Variants in BPNT2 observed in about 807,000 individuals in gnomAD.
BPNT2 encodes 3'(2'), 5'-bisphosphate nucleotidase 2.
A neutral mutation model predicts 29.3 loss-of-function variants in BPNT2; 11 were observed. The ratio of observed to expected loss-of-function variants is 0.38; its 90% confidence interval spans 0.24 to 0.62. The LOEUF (loss-of-function observed/expected upper bound fraction) is 0.62. BPNT2 is among the 20% of genes least tolerant of loss of function. BPNT2 has a pLI of 0.62. For synonymous variants in BPNT2, 195 were observed against 187.7 expected, an observed-to-expected ratio of 1.04 and a Z score of -0.32; for missense variants, 459 against 473.4, an observed-to-expected ratio of 0.97 and a Z score of 0.28.
intron 2 of BPNT2, among the ~76,000 whole-genome samples, chr8:56,978,811 C>A (rs1007695429): frequency 3.3e-5 from 5 of 152,164 alleles, no homozygotes; most frequent in African/African-American, 1.2e-4. Flanking sequence ...CCAAATACCA[C>A]ATGTTCTCTA....
Position 56,985,896 on chromosome 8 carries a change from G to A in BPNT2, c.388-5699C>T, listed in dbSNP as rs1179784323. ...AGATGTACAAAATATGGACAAAAAT[G>A]TGAATGCGCATCACTTTCTGGCTTA... On this transcript the variant is annotated intron_variant, in intron 1 of 4. Coordinates refer to ENST00000262644, the MANE Select transcript of BPNT2 (RefSeq NM_017813.5). Among the ~76,000 whole-genome samples, 3 of 152,220 alleles carry A rather than the reference G, an allele frequency of 2.0e-5. No homozygotes were observed. In the East Asian group the frequency reaches 5.8e-4, roughly 29 times the overall value.
chr8:56,978,152 G>A lies in BPNT2; in HGVS notation c.551-7C>T, dbSNP rs1226538833. 6 of 1,551,872 alleles carry A rather than the reference G, an allele frequency of 3.9e-6. No individual in the cohort carries two copies. The highest frequency in any genetic ancestry group is 5.3e-6 in the Non-Finnish European group (6 of 1,125,544). Reference sequence around the variant, plus strand: ...ACGTACTTTCGAAGATCCTCTATGAGAAAAAAAACAAAACAACACACACAA... The same window carrying A: ...ACGTACTTTCGAAGATCCTCTATGAAAAAAAAAACAAAACAACACACACAA... On this transcript the variant is annotated splice_region_variant and splice_polypyrimidine_tract_variant and intron_variant, in intron 2 of 4. Transcript: ENST00000262644.
chr8:56,993,166 G>T, intron 1 of BPNT2, 33 bp downstream of exon 1: 1 of 1,577,950 alleles, frequency 6.3e-7, no homozygotes, highest in Non-Finnish European at 8.6e-7. Context: ...GCGCTACCCG[G>T]CTCGAGTGGG....
Position 56,963,884 on chromosome 8 carries a change from C to A in BPNT2, c.989G>T (p.Gly330Val), listed in dbSNP as rs773790200. Residue 330 changes from glycine to valine, a missense_variant, in exon 5 of 5, where the codon GGC (glycine) becomes GTC (valine). Physicochemically the swap from Gly to Val is moderately radical, Grantham distance 109 (BLOSUM62 -3). Transcript: ENST00000262644. ...GEEISYTGSD[G>V]IEGGLLASIR... ...GCTAGCAAGGAGTCCCCCTTCAATG[C>A]CGTCTGAACCAGTGTAACTGATTTC... 2.5e-6 allele frequency: 4 copies of A among 1,614,082 alleles called. No homozygotes were observed. The highest frequency in any genetic ancestry group is 3.4e-6 in the Non-Finnish European group (4 of 1,179,980).
rs767610613 is a variant in BPNT2, at chr8:56,993,407, G to A, written c.179C>T (p.Thr60Ile). 49 of 1,589,394 alleles carry A rather than the reference G, an allele frequency of 3.1e-5. No individual in the cohort carries two copies. Among genetic ancestry groups the A allele is most frequent in the Non-Finnish European group, 3.8e-5 (44 of 1,171,840 alleles). The part of the protein sequence containing the change: ...AGPAAAADGG[T>I]VDLREMLAVS... ...AGCCAGCATCTCGCGCAAGTCCACG[G>A]TGCCCCCATCGGCCGCGGCCGCGGG... Residue 60 changes from threonine to isoleucine, a missense_variant, in exon 1 of 5, where the codon ACC becomes ATC. Thr to Ile is a moderately conservative substitution (Grantham distance 89). Transcript: ENST00000262644.
chr8:56,964,326 T>C, intron 4 of BPNT2: 1 of 302,982 alleles, frequency 3.3e-6, no homozygotes, highest in Non-Finnish European at 6.3e-6. Flanking sequence ...TGAGACAGAG[T>C]CTCGCTCTGT....
At chr8:56,978,299 A>G (rs980102900) in intron 2 of BPNT2, among the ~76,000 whole-genome samples, 154 bp from the exon 3 acceptor site, 1 of 152,208 alleles carries the variant, frequency 6.6e-6, no homozygotes, top group Non-Finnish European at 1.5e-5. Flanking sequence ...GTCTGAGGGC[A>G]AGAGCCCCTT....
chr8:56,963,567 T>C lies in BPNT2; in HGVS notation c.*226A>G. 3.6e-6 allele frequency: 2 copies of C among 552,008 alleles called. No homozygotes were observed. Among genetic ancestry groups the C allele is most frequent in the East Asian group, 6.0e-5 (2 of 33,120 alleles). 34.2% of individuals were successfully genotyped at this position (552,008 alleles called of 1,614,324 possible). ...ATGCGCCTTGTGTATGACAACTGTA[T>C]GAAAATAGTCTCAAAAATAAAGACA... On this transcript the variant is annotated 3_prime_UTR_variant, in exon 5 of 5. Transcript: ENST00000262644.
intron 3 of BPNT2, among the ~76,000 whole-genome samples, chr8:56,972,085 C>CA (rs1359170313): frequency 3.4e-5 from 5 of 146,146 alleles, no homozygotes; most frequent in East Asian, 2.0e-4. Flanking sequence ...GACTCCGTCT[C>CA]AAAAAAAAGA....
chr8:56,968,597 C>T (rs2129203823), intron 3 of BPNT2, among the ~76,000 whole-genome samples: 1 of 152,154 alleles, frequency 6.6e-6, no homozygotes, highest in East Asian at 1.9e-4. Context: ...TTGTTGAGCC[C>T]AAGAGTTAAA....
chr8:56,986,024 C>A (rs1806322674), intron 1 of BPNT2, among the ~76,000 whole-genome samples: 1 of 152,202 alleles, frequency 6.6e-6, no homozygotes, highest in African/African-American at 2.4e-5. Context: ...GTCACAGTCA[C>A]TACATGGAGG....
chr8:56,991,184 ACCATC>A (rs761206100), intron 1 of BPNT2, among the ~76,000 whole-genome samples: 1 of 152,184 alleles, frequency 6.6e-6, no homozygotes, highest in Non-Finnish European at 1.5e-5. Context: ...TCAACATGAC[ACCATC>A]CCTACTTTGA....
rs1460794787 is a variant in BPNT2, at chr8:56,959,044, T to A, written c.*4749A>T. 1 of 152,208 alleles carries A rather than the reference T, an allele frequency of 6.6e-6. No individual in the cohort carries two copies. Among genetic ancestry groups the A allele is most frequent in the Non-Finnish European group, 1.5e-5 (1 of 68,028 alleles). 9.4% of individuals were successfully genotyped at this position (152,208 alleles called of 1,614,324 possible). A position where few individuals can be genotyped will look rare whatever the true frequency, so the allele number is the denominator to read the frequency against. ...ACAAAAATTTACTGTGTGTATAACA[T>A]ACACCTCAAAATGAATTTTAAGGGA... On this transcript the variant is annotated 3_prime_UTR_variant, in exon 5 of 5. Coordinates refer to ENST00000262644, the MANE Select transcript of BPNT2 (RefSeq NM_017813.5).
intron 2 of BPNT2, 100 bp downstream of exon 2, chr8:56,979,935 A>T: frequency 1.8e-6 from 2 of 1,104,482 alleles, no homozygotes; most frequent in Non-Finnish European, 2.8e-6. Context: ...TCTTTACTGA[A>T]CAATCAGTGA....
At chr8:56,965,962 T>A (rs2129203477) in intron 4 of BPNT2, among the ~76,000 whole-genome samples, 1 of 152,212 alleles carries the variant, frequency 6.6e-6, no homozygotes, top group African/African-American at 2.4e-5. Flanking sequence ...TGCTTTTGTG[T>A]ATTCAAGAAA....
intron 4 of BPNT2, among the ~76,000 whole-genome samples, chr8:56,964,739 T>A (rs1429167153): frequency 3.9e-5 from 6 of 152,262 alleles, no homozygotes; most frequent in Non-Finnish European, 8.8e-5. Flanking sequence ...TGACATATTA[T>A]ACACACAAGT....
intron 3 of BPNT2, among the ~76,000 whole-genome samples, chr8:56,970,018 T>C (rs1585557818): frequency 6.6e-6 from 1 of 152,196 alleles, no homozygotes; most frequent in Non-Finnish European, 1.5e-5. Context: ...AAATTCTCTA[T>C]AGAAGAATTC....
chr8:56,987,673 T>C (rs1563411739), intron 1 of BPNT2, among the ~76,000 whole-genome samples: 1 of 152,128 alleles, frequency 6.6e-6, no homozygotes, highest in African/African-American at 2.4e-5. Flanking sequence ...TAAATCTCTA[T>C]TGGTTCTCTT....
Position 56,971,600 on chromosome 8 carries a change from G to A in BPNT2, c.647-5248C>T, listed in dbSNP as rs185560717. ...AAATATGTTGGAACTAGCTTATTTTGTCATTTACTACCATAAAATATACAC... is the reference window on the plus strand; with the variant it reads ...AAATATGTTGGAACTAGCTTATTTTATCATTTACTACCATAAAATATACAC... On this transcript the variant is annotated intron_variant, in intron 3 of 4. Transcript: ENST00000262644. 2.9e-3 allele frequency among the ~76,000 whole-genome samples: 448 copies of A among 152,144 alleles called. 4 individuals are homozygous for A. The highest frequency in any genetic ancestry group is 0.01 in the African/African-American group (417 of 41,508).
Sources: allele counts gnomAD v4.1 joint callset (sites outside exome capture counted in the v4.1 genomes callset), GRCh38; gene constraint gnomAD v4.1.1; transcripts MANE v1.5; gene names NCBI Gene and HGNC (gene_info 2026-07-23, HGNC 2026-07-21).